SLC5A1: variants seen among roughly 807,000 people sequenced by gnomAD.
SLC5A1 encodes the protein solute carrier family 5 member 1.
In SLC5A1, 42 loss-of-function variants were observed where a neutral mutation model predicts 73.5. The ratio of observed to expected loss-of-function variants is 0.57; its 90% confidence interval spans 0.45 to 0.74. SLC5A1 has a LOEUF of 0.74. Ranked by LOEUF, SLC5A1 falls within the 30% of genes least tolerant of loss-of-function variation. The probability of loss-of-function intolerance (pLI) is 0.00; values close to 1 mark genes in which losing one functional copy is unlikely to be tolerated. For missense variants in SLC5A1, 634 were observed against 855.4 expected, an observed-to-expected ratio of 0.74 and a Z score of 3.23; for synonymous variants, 300 against 317.4, an observed-to-expected ratio of 0.95 and a Z score of 0.58.
chr22:32,073,999 GTGTC>G (rs1032179000), intron 5 of SLC5A1, among the ~76,000 whole-genome samples: 27 of 152,190 alleles, frequency 1.8e-4, no homozygotes, highest in African/African-American at 1.2e-4. Context: ...AAAGGGCAGT[GTGTC>G]TGTCTAAGAA....
chr22:32,074,151 C>T (rs2149489721), intron 5 of SLC5A1, among the ~76,000 whole-genome samples: 1 of 152,278 alleles, frequency 6.6e-6, no homozygotes, highest in South Asian at 2.1e-4. Flanking sequence ...GTCCACAGTT[C>T]AAGCAGGTGA....
intron 2 of SLC5A1, among the ~76,000 whole-genome samples, chr22:32,053,158 C>T (rs1475986483): frequency 6.6e-6 from 1 of 152,032 alleles, no homozygotes; most frequent in Non-Finnish European, 1.5e-5. Context: ...CGGTCTGAGT[C>T]GAGGTTTTGC....
intron 2 of SLC5A1, among the ~76,000 whole-genome samples, chr22:32,051,318 G>A (rs2093944872): frequency 6.6e-6 from 1 of 152,114 alleles, no homozygotes; most frequent in African/African-American, 2.4e-5. Context: ...CTATAATGTG[G>A]AGCTGGTCAG....
intron 2 of SLC5A1, among the ~76,000 whole-genome samples, chr22:32,066,266 T>C (rs1465510541): frequency 6.6e-6 from 1 of 152,182 alleles, no homozygotes; most frequent in African/African-American, 2.4e-5. Context: ...ATGCAGTGTT[T>C]TGTGCACGTG....
intron 2 of SLC5A1, 32 bp from the exon 3 acceptor site, chr22:32,066,903 A>G: frequency 6.8e-7 from 1 of 1,462,482 alleles, no homozygotes; most frequent in Non-Finnish European, 9.6e-7. Flanking sequence ...GAGAGCACAG[A>G]GCCCTCACCT....
chr22:32,093,089 T>G (rs2094020660), intron 11 of SLC5A1, among the ~76,000 whole-genome samples: 1 of 152,180 alleles, frequency 6.6e-6, no homozygotes, highest in African/African-American at 2.4e-5. Context: ...TTTTGTTTGG[T>G]TTGTCAAAGA....
intron 13 of SLC5A1, among the ~76,000 whole-genome samples, chr22:32,103,550 C>T (rs767992900): frequency 3.3e-5 from 5 of 152,216 alleles, no homozygotes; most frequent in Admixed American, 1.3e-4. Context: ...AGCTCAGGTG[C>T]GTAAGATCAC....
intron 1 of SLC5A1, among the ~76,000 whole-genome samples, chr22:32,047,232 G>A (rs1320301557): frequency 6.6e-6 from 1 of 152,046 alleles, no homozygotes. Context: ...ATGAGGAGAT[G>A]AAAATTCCAG....
chr22:32,104,156 A>T (rs1471572935), intron 13 of SLC5A1, among the ~76,000 whole-genome samples: 2 of 152,244 alleles, frequency 1.3e-5, no homozygotes, highest in Non-Finnish European at 2.9e-5. Flanking sequence ...AGCAGAACTG[A>T]ATCACATCTA....
At chr22:32,104,717 G>GCC (rs201317467) in intron 13 of SLC5A1, 69 bp from the exon 14 acceptor site, 3 of 1,195,022 alleles carry the variant, frequency 2.5e-6, no homozygotes, top group Non-Finnish European at 3.7e-6. Context: ...ATATCTCTTT[G>GCC]CCCCCCCAAC....
chr22:32,110,560 T>C lies in SLC5A1; in HGVS notation c.*347T>C, dbSNP rs570609019. 2.8e-6 allele frequency: 1 copy of C among 354,006 alleles called. No homozygotes were observed. The highest frequency in any genetic ancestry group is 2.1e-5 in the African/African-American group (1 of 47,776). The allele number at this position is 354,006 out of a possible 1,614,324, so 21.9% of individuals were successfully genotyped here. A position where few individuals can be genotyped will look rare whatever the true frequency, so the allele number is the denominator to read the frequency against. On this transcript the variant is annotated 3_prime_UTR_variant, in exon 15 of 15. Transcript: ENST00000266088. Reference sequence around the variant, plus strand: ...GGGTGTCAGTGTGGTTTATAATCCTTGAATATTGTTTTAGAAACTTTGGTC... The same window carrying C: ...GGGTGTCAGTGTGGTTTATAATCCTCGAATATTGTTTTAGAAACTTTGGTC...
intron 9 of SLC5A1, 144 bp downstream of exon 9, chr22:32,085,179 G>C (rs2094006132): frequency 1.0e-6 from 1 of 993,452 alleles, no homozygotes; most frequent in Non-Finnish European, 1.6e-6. Flanking sequence ...GCAGTGGTGT[G>C]ATCATTGCTC....
At chr22:32,091,336 CA>C (rs1569313400) in intron 10 of SLC5A1, among the ~76,000 whole-genome samples, 76 of 146,782 alleles carry the variant, frequency 5.2e-4, no homozygotes, top group African/African-American at 1.6e-3. Context: ...CACACACACA[CA>C]CACACCCCAC....
intron 5 of SLC5A1, 123 bp from the exon 6 acceptor site, chr22:32,081,743 C>T (rs1170519827): frequency 1.3e-6 from 1 of 750,504 alleles, no homozygotes; most frequent in Non-Finnish European, 2.4e-6. Context: ...AATTCTTTTT[C>T]TCATGGAATA....
intron 4 of SLC5A1, 41 bp downstream of exon 4, chr22:32,068,067 G>C: frequency 6.3e-7 from 1 of 1,579,644 alleles, no homozygotes; most frequent in South Asian, 1.1e-5. Flanking sequence ...GCTGGCAAAT[G>C]TATCTGTCAG....
In SLC5A1 at chr22:32,061,693, G is replaced by T. The variant is rs575817372; in HGVS notation, c.208-5242G>T. On this transcript the variant is annotated intron_variant, in intron 2 of 14. Transcript: ENST00000266088. ...TTCTTTAATAGTGATGGCAATTAGA[G>T]GGACTGGCCTAGGTCCTCCGTACTG... 1.2e-4 allele frequency among the ~76,000 whole-genome samples: 18 copies of T among 152,304 alleles called. No individual in the cohort carries two copies. The East Asian group carries it at 3.5e-3, about 29-fold the overall frequency.
intron 2 of SLC5A1, among the ~76,000 whole-genome samples, chr22:32,057,084 G>A (rs1237528180): frequency 2.0e-5 from 3 of 152,204 alleles, no homozygotes; most frequent in African/African-American, 7.2e-5. Context: ...CACATAGTTT[G>A]CTATGGCGGA....
chr22:32,071,800 T>C (rs895231488), intron 5 of SLC5A1, among the ~76,000 whole-genome samples: 2 of 152,184 alleles, frequency 1.3e-5, no homozygotes, highest in Admixed American at 1.3e-4. Flanking sequence ...CCATCTACTC[T>C]AGCTAGGTAG....
At chr22:32,046,366 G>T in intron 1 of SLC5A1, among the ~76,000 whole-genome samples, 1 of 85,018 alleles carries the variant, frequency 1.2e-5, no homozygotes. Flanking sequence ...GAATTCCTTT[G>T]CTCTTTTTTT....
Sources: allele counts gnomAD v4.1 joint callset (sites outside exome capture counted in the v4.1 genomes callset), GRCh38; gene constraint gnomAD v4.1.1; transcripts MANE v1.5; gene names NCBI Gene and HGNC (gene_info 2026-07-23, HGNC 2026-07-21).